The following GALNT9 variants were observed in gnomAD, a reference collection of about 807,000 sequenced individuals.
GALNT9 encodes GalNAc transferase 9.
In GALNT9, 47 loss-of-function variants were observed where a neutral mutation model predicts 63.1. That is an observed-to-expected ratio of 0.75 (90% CI 0.59 to 0.95). GALNT9 has a LOEUF of 0.95. Ranked by LOEUF, GALNT9 falls within the 40% of genes least tolerant of loss-of-function variation. The pLI, the probability that GALNT9 is intolerant of heterozygous loss-of-function variation, is 0.00. For synonymous variants in GALNT9, 396 were observed against 365.7 expected (o/e 1.08, Z -0.94); for missense variants, 829 against 874.8 (o/e 0.95, Z 0.66).
In GALNT9 at chr12:132,319,103, C is replaced by T. The variant is rs1555245921; in HGVS notation, c.238+9863G>A. Among the ~76,000 whole-genome samples the T allele has an allele frequency of 6.6e-6, 1 of 152,162 alleles. No individual in the cohort carries two copies. Among genetic ancestry groups the T allele is most frequent in the South Asian group, 2.1e-4 (1 of 4,826 alleles). ...ACCAAGCCTGCAGCGTGCGTGCCTT[C>T]ATGTGAGGTGTGCTCCCCATGGTTG... is the stretch of plus-strand genomic sequence containing the variant. On this transcript the variant is annotated intron_variant, in intron 1 of 10. Transcript: ENST00000328957. This position sits in a 1 kb window ranked among gnomAD's most constrained non-coding sequence, Gnocchi z 5.2.
intron 2 of GALNT9, among the ~76,000 whole-genome samples, chr12:132,264,109 T>C (rs59654893): frequency 0.069 from 10,459 of 152,240 alleles, 1,187 homozygotes; most frequent in African/African-American, 0.24. Context: ...GAATCCATGT[T>C]CGGTACCCAC....
chr12:132,254,175 C>T (rs569969645), intron 5 of GALNT9, among the ~76,000 whole-genome samples: 2 of 152,028 alleles, frequency 1.3e-5, no homozygotes, highest in Middle Eastern at 3.2e-3. Flanking sequence ...GCACCTGACA[C>T]CACGCCCTGC....
chr12:132,243,520 G>A (rs1878554906), intron 6 of GALNT9, among the ~76,000 whole-genome samples: 1 of 150,510 alleles, frequency 6.6e-6, no homozygotes, highest in Non-Finnish European at 1.5e-5. Flanking sequence ...GTTCGTAGGG[G>A]CAGCTCTGGT....
intron 1 of GALNT9, among the ~76,000 whole-genome samples, chr12:132,289,204 C>T (rs1479978484): frequency 1.3e-5 from 2 of 152,202 alleles, no homozygotes; most frequent in Non-Finnish European, 2.9e-5. Flanking sequence ...TCTTCTGTAA[C>T]CCCTGTTAAG....
intron 4 of GALNT9, 39 bp from the exon 5 acceptor site, chr12:132,257,925 C>T (rs1879203529): frequency 7.2e-7 from 1 of 1,382,402 alleles, no homozygotes; most frequent in Non-Finnish European, 9.9e-7. Context: ...GGCCCCAGCC[C>T]ACCGCATTCC....
At chr12:132,243,457 C>T (rs1878549476) in intron 6 of GALNT9, among the ~76,000 whole-genome samples, 1 of 152,208 alleles carries the variant, frequency 6.6e-6, no homozygotes, top group African/African-American at 2.4e-5. Context: ...GTGGGGGCCC[C>T]ACCTGGCCGA....
intron 5 of GALNT9, among the ~76,000 whole-genome samples, chr12:132,255,018 A>G (rs1299063106): frequency 2.0e-5 from 3 of 152,364 alleles, no homozygotes; most frequent in South Asian, 4.1e-4. Context: ...TTCACATAAA[A>G]TAAGATTTCA....
chr12:132,269,120 G>A (rs1879768642), intron 2 of GALNT9, among the ~76,000 whole-genome samples: 1 of 152,206 alleles, frequency 6.6e-6, no homozygotes. Context: ...CCCCAACCTC[G>A]GAGCTCCGCA....
intron 1 of GALNT9, among the ~76,000 whole-genome samples, chr12:132,313,814 C>CCACT (rs1881915140): frequency 9.7e-6 from 1 of 102,956 alleles, no homozygotes; most frequent in Admixed American, 9.9e-5. Context: ...ATCCACCCAT[C>CCACT]CACCCACCCA....
intron 2 of GALNT9, among the ~76,000 whole-genome samples, chr12:132,281,204 C>T (rs893758265): frequency 3.3e-5 from 5 of 152,226 alleles, no homozygotes; most frequent in Non-Finnish European, 5.9e-5. Context: ...CAGCGTCCAC[C>T]GGGGTCTGCG....
intron 6 of GALNT9, among the ~76,000 whole-genome samples, chr12:132,217,004 A>G (rs1877224334): frequency 1.3e-5 from 2 of 152,222 alleles, no homozygotes; most frequent in African/African-American, 2.4e-5. Flanking sequence ...CACTTTGAAA[A>G]TAATGAGGAT....
rs1224154121 is a variant in GALNT9 at position 132,203,555 on chromosome 12, T to C, written c.1213A>G (p.Met405Val). 1 of 1,613,886 alleles carries C rather than the reference T, an allele frequency of 6.2e-7. No individual in the cohort carries two copies. Among genetic ancestry groups the C allele is most frequent in the African/African-American group, 1.3e-5 (1 of 74,940 alleles). ...RNALRAAEVWMDDFKSHVYMA... is the reference protein window; with the variant it reads ...RNALRAAEVWVDDFKSHVYMA... Reference sequence around the variant, plus strand: ...TACACGTGGGACTTGAAGTCATCCATCCACACCTCGGCGGCGCGCAGGGCG... The same window carrying C: ...TACACGTGGGACTTGAAGTCATCCACCCACACCTCGGCGGCGCGCAGGGCG... The change falls in exon 7 of 11, where the codon ATG becomes GTG. Residue 405 changes from methionine to valine, a missense_variant. Met to Val is a conservative substitution (Grantham distance 21). Coordinates refer to ENST00000328957, the MANE Select transcript of GALNT9 (RefSeq NM_001122636.2).
chr12:132,239,625 GACAGAGAGACAGAGTC>G (rs1878161680), intron 6 of GALNT9, among the ~76,000 whole-genome samples: 1 of 150,840 alleles, frequency 6.6e-6, no homozygotes, highest in African/African-American at 2.4e-5. Context: ...GAGACTGAGA[GACAGAGAGACAGAGTC>G]AGAGACAGAG....
chr12:132,247,972 T>G lies in GALNT9; in HGVS notation c.1015A>C (p.Ile339Leu), dbSNP rs1555238232. ...FVVDREYFGD[I>L]GLLDPGMEVY... ...TCCATGCCGGGGTCCAGCAGCCCAA[T>G]GTCTCCGAAGTACTCGCGGTCCACT... Residue 339 changes from isoleucine (I) to leucine (L), a missense_variant, in exon 6 of 11, where the codon ATT (isoleucine) becomes CTT (leucine). Physicochemically the swap from Ile to Leu is conservative, Grantham distance 5. Coordinates refer to ENST00000328957, the MANE Select transcript of GALNT9 (RefSeq NM_001122636.2). 1 of 1,551,534 alleles carries G rather than the reference T, an allele frequency of 6.4e-7. No homozygotes were observed. Among genetic ancestry groups the G allele is most frequent in the Admixed American group, 2.0e-5 (1 of 51,014 alleles).
At chr12:132,216,524 T>C (rs1414492155) in intron 6 of GALNT9, among the ~76,000 whole-genome samples, 5 of 152,186 alleles carry the variant, frequency 3.3e-5, no homozygotes. Context: ...GACGGGGTGT[T>C]TTCTGTGGCA....
chr12:132,306,214 G>A (rs905466492), intron 1 of GALNT9, among the ~76,000 whole-genome samples: 5 of 152,256 alleles, frequency 3.3e-5, no homozygotes, highest in Admixed American at 2.6e-4. Context: ...CGCCTGCGGA[G>A]TGTGAGGGCG....
At chr12:132,202,882 AAAAC>A (rs1188262787) in intron 7 of GALNT9, among the ~76,000 whole-genome samples, 3 of 152,274 alleles carry the variant, frequency 2.0e-5, no homozygotes, top group East Asian at 1.9e-4. Context: ...TACAAATTAG[AAAAC>A]AAACAGCAAT....
intron 5 of GALNT9, among the ~76,000 whole-genome samples, chr12:132,254,537 A>T (rs1879043491): frequency 1.3e-5 from 2 of 152,170 alleles, no homozygotes; most frequent in Admixed American, 6.5e-5. Flanking sequence ...TGATTCTGAC[A>T]GGGCTCCAGC....
intron 1 of GALNT9, among the ~76,000 whole-genome samples, chr12:132,326,339 G>A (rs1320083877): frequency 6.6e-6 from 1 of 152,252 alleles, no homozygotes; most frequent in Non-Finnish European, 1.5e-5. Flanking sequence ...CTTGCCTTGA[G>A]CGCTGAACTT....
Sources: gnomAD v4.1 joint callset for allele counts (sites outside exome capture counted in the v4.1 genomes callset) on GRCh38, gnomAD v4.1.1 for gene constraint, Gnocchi (gnomAD v3.1) non-coding constraint, MANE v1.5 for transcripts, NCBI Gene and HGNC (gene_info 2026-07-23, HGNC 2026-07-21) for gene names.